IQCM: variants seen among roughly 807,000 people sequenced by gnomAD.
The protein encoded by IQCM is IQ domain-containing protein M.
In IQCM, 45 loss-of-function variants were observed where a neutral mutation model predicts 57.6. The observed-to-expected ratio is 0.78, with a 90% CI of 0.62 to 1.00. IQCM has a LOEUF of 1.00. Ranked by LOEUF, IQCM falls within the 50% of genes least tolerant of loss-of-function variation. The probability of loss-of-function intolerance (pLI) is 0.00; values close to 1 mark genes in which losing one functional copy is unlikely to be tolerated. For synonymous variants in IQCM, 148 were observed against 158.9 expected (o/e 0.93, Z 0.51); for missense variants, 468 against 511.6 (o/e 0.91, Z 0.82).
At chr4:149,529,791 C>T (rs991004537) in intron 12 of IQCM, among the ~76,000 whole-genome samples, 1 of 152,176 alleles carries the variant, frequency 6.6e-6, no homozygotes, top group Non-Finnish European at 1.5e-5. Context: ...CTTCATGCTT[C>T]CTCTTTTGGG....
chr4:149,480,726 G>T (rs1740688710), intron 12 of IQCM, among the ~76,000 whole-genome samples: 1 of 152,184 alleles, frequency 6.6e-6, no homozygotes, highest in Admixed American at 6.6e-5. Flanking sequence ...AAACATGGGA[G>T]TGCAGTTACC....
chr4:149,786,345 G>A (rs907412637), intron 2 of IQCM, among the ~76,000 whole-genome samples: 9 of 152,074 alleles, frequency 5.9e-5, no homozygotes, highest in Middle Eastern at 3.2e-3. Context: ...GAGATTTTAC[G>A]GAGAAAGAGG....
intron 12 of IQCM, among the ~76,000 whole-genome samples, chr4:149,521,425 T>TA (rs543048582): frequency 2.7e-4 from 41 of 152,262 alleles, no homozygotes; most frequent in Middle Eastern, 6.8e-3. Flanking sequence ...ACAATTTCCA[T>TA]AAAAAAAATC....
At chr4:149,652,678 T>A (rs769873319) in intron 7 of IQCM, among the ~76,000 whole-genome samples, 2 of 150,418 alleles carry the variant, frequency 1.3e-5, no homozygotes, top group East Asian at 2.0e-4. Flanking sequence ...AGATGGAACA[T>A]TGAAAATAGG....
At chr4:149,398,693 T>G (rs1238687535) in intron 13 of IQCM, among the ~76,000 whole-genome samples, 2 of 151,944 alleles carry the variant, frequency 1.3e-5, no homozygotes, top group Non-Finnish European at 2.9e-5. Context: ...TTCCAGTGTG[T>G]AGATGTACTA....
intron 12 of IQCM, among the ~76,000 whole-genome samples, chr4:149,519,998 CT>C (rs1311119621): frequency 1.3e-5 from 2 of 151,970 alleles, no homozygotes; most frequent in African/African-American, 4.8e-5. Context: ...CAGCGAGACT[CT>C]GTCTCAAAGA....
At chr4:149,369,094 G>A (rs1328740586) in intron 13 of IQCM, among the ~76,000 whole-genome samples, 1 of 143,464 alleles carries the variant, frequency 7.0e-6, no homozygotes, top group African/African-American at 2.6e-5. Flanking sequence ...ACCCAGGCTG[G>A]AGTGCAATGG....
At chr4:149,529,788 C>T (rs776348307) in intron 12 of IQCM, among the ~76,000 whole-genome samples, 1 of 152,150 alleles carries the variant, frequency 6.6e-6, no homozygotes, top group Non-Finnish European at 1.5e-5. Context: ...ATTCTTCATG[C>T]TTCCTCTTTT....
intron 13 of IQCM, among the ~76,000 whole-genome samples, chr4:149,358,873 T>TGTC (rs1729236823): frequency 6.6e-6 from 1 of 151,868 alleles, no homozygotes; most frequent in Admixed American, 6.6e-5. Flanking sequence ...CTCATGAGTA[T>TGTC]ATCATGAGAC....
chr4:149,401,118 C>A (rs1412832655), intron 13 of IQCM, among the ~76,000 whole-genome samples: 2 of 151,428 alleles, frequency 1.3e-5, no homozygotes, highest in Non-Finnish European at 2.9e-5. Context: ...GATAGGCCCA[C>A]CCTCAAAAAC....
At chr4:149,784,769 G>C (rs141505019) in intron 2 of IQCM, among the ~76,000 whole-genome samples, 1 of 152,146 alleles carries the variant, frequency 6.6e-6, no homozygotes, top group Non-Finnish European at 1.5e-5. Flanking sequence ...TCTGAATGCT[G>C]TATTGTCTCA....
rs1249872517 is a variant in IQCM at position 149,622,478 on chromosome 4, G to A, written c.566-1234C>T. On this transcript the variant is annotated intron_variant, in intron 7 of 13. Transcript: ENST00000636793. ...CTGCCTCAGCCTCCTGAGTAGCTGG[G>A]ACTACAGGCACCAGCCTCCACGCCC... Among the ~76,000 whole-genome samples, 4 of 152,200 alleles carry A rather than the reference G, an allele frequency of 2.6e-5. No individual in the cohort carries two copies. In the East Asian group the frequency reaches 5.8e-4, roughly 22 times the overall value.
intron 13 of IQCM, among the ~76,000 whole-genome samples, chr4:149,429,244 G>A (rs932555738): frequency 1.3e-5 from 2 of 151,972 alleles, no homozygotes; most frequent in African/African-American, 2.4e-5. Flanking sequence ...AGGACAGACA[G>A]TGCATAAGGA....
intron 13 of IQCM, among the ~76,000 whole-genome samples, chr4:149,375,725 T>A (rs2111004984): frequency 6.6e-6 from 1 of 152,296 alleles, no homozygotes; most frequent in African/African-American, 2.4e-5. Flanking sequence ...TCATTGATTC[T>A]TCCTCCCGGT....
chr4:149,385,416 G>A (rs1056320498), intron 13 of IQCM, among the ~76,000 whole-genome samples: 1 of 152,022 alleles, frequency 6.6e-6, no homozygotes, highest in Non-Finnish European at 1.5e-5. Flanking sequence ...GTAAGTTGAC[G>A]AAACTCAATA....
chr4:149,536,858 T>G (rs774365672), intron 12 of IQCM, among the ~76,000 whole-genome samples: 8 of 152,034 alleles, frequency 5.3e-5, no homozygotes, highest in Non-Finnish European at 1.2e-4. Flanking sequence ...TACTTTTATC[T>G]CTCAGATGGG....
At chr4:149,648,315 G>A (rs1468294136) in intron 7 of IQCM, among the ~76,000 whole-genome samples, 2 of 152,044 alleles carry the variant, frequency 1.3e-5, no homozygotes, top group Non-Finnish European at 2.9e-5. Context: ...AACAATTTGT[G>A]GTAGTTTGCT....
chr4:149,733,668 A>G (rs1766673274), intron 4 of IQCM, among the ~76,000 whole-genome samples, 160 bp from the exon 5 acceptor site: 1 of 152,092 alleles, frequency 6.6e-6, no homozygotes, highest in South Asian at 2.1e-4. Context: ...AATGTAAATT[A>G]CAAATGACAG....
chr4:149,363,235 G>T (rs1729613836), intron 13 of IQCM, among the ~76,000 whole-genome samples: 1 of 152,160 alleles, frequency 6.6e-6, no homozygotes, highest in Admixed American at 6.6e-5. Context: ...ACCACAGCAT[G>T]ACCTGGACAG....
Sources: gnomAD v4.1 joint callset for allele counts (sites outside exome capture counted in the v4.1 genomes callset) on GRCh38, gnomAD v4.1.1 for gene constraint, MANE v1.5 for transcripts, NCBI Gene and HGNC (gene_info 2026-07-23, HGNC 2026-07-21) for gene names.